Variants in PTPN12 observed in about 807,000 individuals in gnomAD.
PTPN12 encodes the protein protein tyrosine phosphatase non-receptor type 12.
Under a neutral mutation model 97.6 loss-of-function variants are expected in PTPN12, and 29 were observed. The ratio of observed to expected loss-of-function variants is 0.30; its 90% CI spans 0.22 to 0.41. The LOEUF is 0.41. PTPN12 is among the 10% of genes least tolerant of loss of function. PTPN12 has a pLI of 1.00. For synonymous variants in PTPN12, 327 were observed against 300.4 expected (o/e 1.09, Z -0.91); for missense variants, 819 against 926.0 (o/e 0.88, Z 1.50).
rs557526529 is a variant in PTPN12 at position 77,596,398 on chromosome 7, AT to A, written c.493-1434del. On this transcript the variant is annotated intron_variant, in intron 6 of 17. Transcript: ENST00000248594. ...ACTTCATTTTAAGGTTTTTAAAAAA[AT>A]TTTTTTTTTAGTGTTTTTTGTTTTG... Among the ~76,000 whole-genome samples, 9 of 149,866 alleles carry A rather than the reference AT, an allele frequency of 6.0e-5. No individual in the cohort carries two copies. In the South Asian group the frequency reaches 6.3e-4, roughly 11 times the overall value.
At chr7:77,617,730 T>C (rs1788800168) in intron 11 of PTPN12, among the ~76,000 whole-genome samples, 1 of 152,164 alleles carries the variant, frequency 6.6e-6, no homozygotes, top group African/African-American at 2.4e-5. Flanking sequence ...TGAGATATGT[T>C]GACAGTGAAA....
chr7:77,537,982 G>T (rs575772968), intron 1 of PTPN12: 84 of 985,562 alleles, frequency 8.5e-5, no homozygotes, highest in African/African-American at 1.9e-4. Context: ...GCAGGCCGGG[G>T]GGGGGGGCTC....
At position 77,538,107 on chromosome 7, in the gene PTPN12, G is replaced by A. The variant is rs113097665; in HGVS notation, c.99+462G>A. On this transcript the variant is annotated intron_variant, in intron 1 of 17. Coordinates refer to ENST00000248594, the MANE Select transcript of PTPN12 (RefSeq NM_002835.4). Reference sequence around the variant, plus strand: ...CTGACAGAGGAACGGGGGTATTGAGGTTGGCACTAACTCCTGGGATCCCTT... The same window carrying A: ...CTGACAGAGGAACGGGGGTATTGAGATTGGCACTAACTCCTGGGATCCCTT... The A allele has an allele frequency of 1.0e-3, 1,027 of 989,940 alleles. 1 individual carries two copies. Among genetic ancestry groups the A allele is most frequent in the Non-Finnish European group, 1.2e-3 (978 of 832,652 alleles). 61.3% of individuals were successfully genotyped at this position (989,940 alleles called of 1,614,324 possible).
chr7:77,539,324 T>C (rs191059039), intron 1 of PTPN12, among the ~76,000 whole-genome samples: 133 of 152,338 alleles, frequency 8.7e-4, no homozygotes, highest in Non-Finnish European at 1.2e-3. Flanking sequence ...AGTTAAATAA[T>C]CTAACTTATT....
At chr7:77,581,655 T>C in intron 3 of PTPN12, 152 bp downstream of exon 3, 1 of 445,818 alleles carries the variant, frequency 2.2e-6, no homozygotes, top group East Asian at 3.6e-5. Context: ...TTTTATATGC[T>C]TTCCTTCTAG....
At chr7:77,621,507 A>G (rs985815194) in intron 12 of PTPN12, among the ~76,000 whole-genome samples, 1 of 152,102 alleles carries the variant, frequency 6.6e-6, no homozygotes, top group African/African-American at 2.4e-5. Flanking sequence ...TGTGTCTCCT[A>G]AAAATACAAA....
intron 12 of PTPN12, among the ~76,000 whole-genome samples, chr7:77,621,695 A>G (rs997937168): frequency 6.6e-6 from 1 of 152,094 alleles, no homozygotes; most frequent in East Asian, 1.9e-4. Flanking sequence ...ATAAGCCAAT[A>G]ACTATTTTCT....
chr7:77,537,511 G>A lies in PTPN12; in HGVS notation c.-36G>A, dbSNP rs750041285. On this transcript the variant is annotated 5_prime_UTR_variant, in exon 1 of 18. Transcript: ENST00000248594. Reference sequence around the variant, plus strand: ...TCTGTGCCGGGCGGGCGGGCGGCGGGGGGGCCAGCGACCGCAGCCGGGGGG... The same window carrying A: ...TCTGTGCCGGGCGGGCGGGCGGCGGAGGGGCCAGCGACCGCAGCCGGGGGG... The A allele has an allele frequency of 3.8e-6, 6 of 1,559,024 alleles. No individual in the cohort carries two copies. Among genetic ancestry groups the A allele is most frequent in the Non-Finnish European group, 5.2e-6 (6 of 1,154,330 alleles).
chr7:77,632,317 A>G, intron 13 of PTPN12, 31 bp from the exon 14 acceptor site: 1 of 1,453,364 alleles, frequency 6.9e-7, no homozygotes, highest in Middle Eastern at 1.7e-4. Context: ...TGACATGTTA[A>G]TTTGTCTAAA....
chr7:77,550,809 C>T (rs1309286951), intron 1 of PTPN12, among the ~76,000 whole-genome samples: 1 of 152,210 alleles, frequency 6.6e-6, no homozygotes, highest in Non-Finnish European at 1.5e-5. Flanking sequence ...CAGATGTTGT[C>T]TTTCCTTGGC....
At chr7:77,613,684 G>A (rs1430100089) in intron 11 of PTPN12, among the ~76,000 whole-genome samples, 11 of 151,130 alleles carry the variant, frequency 7.3e-5, no homozygotes, top group East Asian at 2.0e-4. Context: ...GCAAAACCCC[G>A]TCTCTACCAA....
intron 12 of PTPN12, among the ~76,000 whole-genome samples, chr7:77,624,995 T>C (rs1789083148): frequency 6.6e-6 from 1 of 151,608 alleles, no homozygotes; most frequent in African/African-American, 2.4e-5. Context: ...ATTAGCCAGG[T>C]GTGGTGGCAT....
intron 17 of PTPN12, 114 bp downstream of exon 17, chr7:77,638,845 G>A: frequency 7.1e-7 from 1 of 1,410,510 alleles, no homozygotes. Flanking sequence ...ATTTTCCAAA[G>A]TTGCTTGGAC....
At chr7:77,638,801 A>G (rs1789698952) in intron 17 of PTPN12, 70 bp downstream of exon 17, 4 of 1,507,822 alleles carry the variant, frequency 2.7e-6, no homozygotes, top group Non-Finnish European at 1.8e-6. Flanking sequence ...CTCATTTGCC[A>G]TTGTGAAATG....
Position 77,571,185 on chromosome 7 carries a change from A to G in PTPN12, c.207A>G (p.Pro69=), listed in dbSNP as rs765694045. The change falls in exon 2 of 18, where the codon CCA becomes CCG. Residue 69 remains proline (P), a splice_region_variant and synonymous_variant. Coordinates refer to ENST00000248594, the MANE Select transcript of PTPN12 (RefSeq NM_002835.4). Reference sequence around the variant, plus strand: ...AGAACAGATACAAGGACATACTGCCATGTAAGTTGGAAATGCCCTTGATAA... The same window carrying G: ...AGAACAGATACAAGGACATACTGCCGTGTAAGTTGGAAATGCCCTTGATAA... ...VKKNRYKDIL[P]FDHSRVKLTL... 22 of 1,565,490 alleles carry G rather than the reference A, an allele frequency of 1.4e-5. No homozygotes were observed. The highest frequency in any genetic ancestry group is 1.8e-5 in the Non-Finnish European group (21 of 1,146,460).
chr7:77,632,902 A>G (rs1789452375), intron 14 of PTPN12, among the ~76,000 whole-genome samples: 1 of 152,218 alleles, frequency 6.6e-6, no homozygotes. Context: ...GGTTGCAGTG[A>G]GCCGAGATTG....
intron 2 of PTPN12, among the ~76,000 whole-genome samples, chr7:77,579,608 CTG>C (rs1464757406): frequency 4.6e-5 from 7 of 152,148 alleles, no homozygotes; most frequent in African/African-American, 1.2e-4. Context: ...TGGGAATTCT[CTG>C]TACTATTTTT....
At chr7:77,596,411 T>G (rs959147672) in intron 6 of PTPN12, among the ~76,000 whole-genome samples, 76 of 152,082 alleles carry the variant, frequency 5.0e-4, no homozygotes, top group Non-Finnish European at 8.8e-4. Flanking sequence ...TTTTTTTTAG[T>G]GTTTTTTGTT....
intron 1 of PTPN12, among the ~76,000 whole-genome samples, chr7:77,564,746 GTTTTTTTTTTTTTTTTTT>G (rs764476553): frequency 0.016 from 738 of 45,446 alleles, 42 homozygotes; most frequent in Non-Finnish European, 0.017. Flanking sequence ...TTGTTGTCGT[GTTTTTTTTTTTTTTTTTT>G]TTTTTTTTTT....
Sources: allele counts gnomAD v4.1 joint callset (sites outside exome capture counted in the v4.1 genomes callset), GRCh38; gene constraint gnomAD v4.1.1; transcripts MANE v1.5; gene names NCBI Gene and HGNC (gene_info 2026-07-23, HGNC 2026-07-21).